Variants in MAMDC2 observed in about 807,000 individuals in gnomAD.
The protein encoded by MAMDC2 is MAM domain containing 2, also known as MAM domain-containing protein 2.
In MAMDC2, 57 loss-of-function variants were observed where a neutral mutation model predicts 89.8. That is an observed-to-expected ratio of 0.63 (90% CI 0.51 to 0.79). The LOEUF (loss-of-function observed/expected upper bound fraction) is 0.79. Ranked by LOEUF, MAMDC2 falls within the 30% of genes least tolerant of loss-of-function variation. The probability of loss-of-function intolerance (pLI) is 0.00; values close to 1 mark genes in which losing one functional copy is unlikely to be tolerated. For missense variants in MAMDC2, 800 were observed against 820.6 expected (o/e 0.97, Z 0.31); for synonymous variants, 313 against 293.4 (o/e 1.07, Z -0.68).
intron 9 of MAMDC2, among the ~76,000 whole-genome samples, chr9:70,149,755 T>TAAC (rs1404603974): frequency 6.6e-6 from 1 of 152,146 alleles, no homozygotes; most frequent in Non-Finnish European, 1.5e-5. Flanking sequence ...CAGGGTATTG[T>TAAC]AACATCCAAC....
intron 7 of MAMDC2, among the ~76,000 whole-genome samples, chr9:70,134,883 G>A (rs1269825750): frequency 1.3e-5 from 2 of 152,138 alleles, no homozygotes; most frequent in Non-Finnish European, 2.9e-5. Context: ...GCTGGCACAT[G>A]CTAGAGTAAA....
At chr9:70,195,819 CT>C (rs1347888117) in intron 11 of MAMDC2, among the ~76,000 whole-genome samples, 2 of 152,074 alleles carry the variant, frequency 1.3e-5, no homozygotes, top group African/African-American at 4.8e-5. Flanking sequence ...AAAGTGCTTC[CT>C]TTAAGTGAAA....
intron 7 of MAMDC2, among the ~76,000 whole-genome samples, chr9:70,134,172 G>A (rs2030916561): frequency 6.6e-6 from 1 of 151,970 alleles, no homozygotes; most frequent in South Asian, 2.1e-4. Context: ...AACATACACA[G>A]CATCTTGTTC....
intron 7 of MAMDC2, among the ~76,000 whole-genome samples, chr9:70,135,643 T>G (rs1173887249): frequency 6.6e-6 from 1 of 152,172 alleles, no homozygotes; most frequent in Non-Finnish European, 1.5e-5. Context: ...ATAGGCATTA[T>G]TTTTTAGTGT....
intron 5 of MAMDC2, among the ~76,000 whole-genome samples, chr9:70,114,843 C>T (rs1349108034): frequency 6.6e-6 from 1 of 152,038 alleles, no homozygotes; most frequent in Non-Finnish European, 1.5e-5. Context: ...CTTCCTCCAT[C>T]AAAAAAGAAA....
chr9:70,115,343 C>A (rs2029921948), intron 5 of MAMDC2, among the ~76,000 whole-genome samples: 1 of 151,648 alleles, frequency 6.6e-6, no homozygotes, highest in Admixed American at 6.6e-5. Flanking sequence ...AAAAGCAAAG[C>A]AAGTTTCAGC....
chr9:70,164,985 G>A (rs1432171173), intron 9 of MAMDC2, among the ~76,000 whole-genome samples: 3 of 73,866 alleles, frequency 4.1e-5, no homozygotes, highest in Non-Finnish European at 8.4e-5. Flanking sequence ...ATATTTAAGA[G>A]GGTATGGTAC....
intron 11 of MAMDC2, among the ~76,000 whole-genome samples, chr9:70,200,518 T>C (rs555679591): frequency 6.6e-6 from 1 of 151,988 alleles, no homozygotes; most frequent in East Asian, 1.9e-4. Flanking sequence ...TGGCTTAGGA[T>C]TGACTTGGCG....
chr9:70,154,719 C>G (rs1429266652), intron 9 of MAMDC2, among the ~76,000 whole-genome samples: 1 of 151,690 alleles, frequency 6.6e-6, no homozygotes, highest in African/African-American at 2.4e-5. Flanking sequence ...CACTAAGTAG[C>G]TCGGGCTGGT....
rs570978197 is a variant in MAMDC2, at chr9:70,213,075, T to G, written c.1652-5262T>G. On this transcript the variant is annotated intron_variant, in intron 11 of 13. Coordinates refer to ENST00000377182, the MANE Select transcript of MAMDC2 (RefSeq NM_153267.5). The stretch of plus-strand genomic sequence containing the variant: ...GTCAATCGAATGATCCTGGGGATAA[T>G]TAAGAGGTTTCCTCTCTTCCAGGAC... 2.0e-5 allele frequency among the ~76,000 whole-genome samples: 3 copies of G among 152,300 alleles called. No individual in the cohort carries two copies. The South Asian group carries it at 6.2e-4, about 32-fold the overall frequency.
intron 9 of MAMDC2, among the ~76,000 whole-genome samples, chr9:70,158,449 A>G (rs1461053104): frequency 1.3e-5 from 2 of 151,694 alleles, no homozygotes; most frequent in Admixed American, 6.6e-5. Context: ...ATATATATAC[A>G]TATATGCATA....
At chr9:70,202,178 C>G (rs1320292899) in intron 11 of MAMDC2, among the ~76,000 whole-genome samples, 1 of 151,002 alleles carries the variant, frequency 6.6e-6, no homozygotes, top group South Asian at 2.1e-4. Context: ...CCTGCTTTCT[C>G]TTGTGGGCAT....
At chr9:70,106,361 G>A (rs950981402) in intron 2 of MAMDC2, among the ~76,000 whole-genome samples, 1 of 149,724 alleles carries the variant, frequency 6.7e-6, no homozygotes, top group East Asian at 1.9e-4. Flanking sequence ...TATACTCCAT[G>A]TCCAACTCTC....
chr9:70,093,491 T>C (rs1827955045), intron 2 of MAMDC2, among the ~76,000 whole-genome samples: 1 of 150,928 alleles, frequency 6.6e-6, no homozygotes, highest in Admixed American at 6.6e-5. Context: ...AGTGGTAAGA[T>C]CTCGGGTTAC....
chr9:70,055,207 A>ATAGCTTCC (rs58759071), intron 2 of MAMDC2, among the ~76,000 whole-genome samples: 12,696 of 152,226 alleles, frequency 0.083, 715 homozygotes, highest in East Asian at 0.21. Context: ...TAGTTATGCA[A>ATAGCTTCC]TAGCTTCCTA....
chr9:70,053,574 G>C (rs1031009784), intron 2 of MAMDC2, among the ~76,000 whole-genome samples: 1 of 152,180 alleles, frequency 6.6e-6, no homozygotes, highest in African/African-American at 2.4e-5. Flanking sequence ...TTGTGTGCTA[G>C]TCAAGGCTTT....
At chr9:70,218,191 T>C in intron 11 of MAMDC2, 146 bp from the exon 12 acceptor site, 2 of 768,306 alleles carry the variant, frequency 2.6e-6, no homozygotes, top group Non-Finnish European at 4.0e-6. Context: ...TCTCCTTAGA[T>C]AATATGCATT....
chr9:70,212,095 A>G (rs1156421437), intron 11 of MAMDC2, among the ~76,000 whole-genome samples: 1 of 152,260 alleles, frequency 6.6e-6, no homozygotes, highest in Non-Finnish European at 1.5e-5. Context: ...TTGAGGAGGC[A>G]GTCTGTCTGT....
At chr9:70,069,838 C>T (rs1007802379) in intron 2 of MAMDC2, among the ~76,000 whole-genome samples, 10 of 152,304 alleles carry the variant, frequency 6.6e-5, no homozygotes, top group African/African-American at 2.4e-4. Flanking sequence ...TGGTTGTTCT[C>T]GCCTTGTTTC....
Sources: gnomAD v4.1 joint callset for allele counts (sites outside exome capture counted in the v4.1 genomes callset) on GRCh38, gnomAD v4.1.1 for gene constraint, MANE v1.5 for transcripts, NCBI Gene and HGNC (gene_info 2026-07-23, HGNC 2026-07-21) for gene names.